SRRT: variants seen among roughly 807,000 people sequenced by gnomAD.
The protein encoded by SRRT is serrate RNA effector molecule homolog.
In SRRT, 32 loss-of-function variants were observed where a neutral mutation model predicts 103.2. The observed-to-expected ratio is 0.31, with a 90% CI of 0.23 to 0.42. The LOEUF (loss-of-function observed/expected upper bound fraction) is 0.42. Among genes scored for constraint, SRRT ranks in the 10% least tolerant of loss-of-function variants. The pLI, the probability that SRRT is intolerant of heterozygous loss-of-function variation, is 1.00. For missense variants in SRRT, 986 were observed against 1,207.5 expected (o/e 0.82, Z 2.72); for synonymous variants, 525 against 449.0 (o/e 1.17, Z -2.14).
At position 100,875,914 on chromosome 7, in the gene SRRT, G is replaced by A. The variant is rs1306033534; in HGVS notation, c.122+202G>A. 7.1e-6 allele frequency: 4 copies of A among 566,142 alleles called. No homozygotes were observed. The South Asian group carries it at 8.0e-5, about 11-fold the overall frequency. The allele number at this position is 566,142 out of a possible 1,614,324, so 35.1% of individuals were successfully genotyped here. A position where few individuals can be genotyped will look rare whatever the true frequency, so the allele number is the denominator to read the frequency against. On this transcript the variant is annotated intron_variant, in intron 2 of 19. Coordinates refer to ENST00000611405, the MANE Select transcript of SRRT (RefSeq NM_015908.6). ...TTTTTGAAATTCTCTGCAGATCAGA[G>A]CTATAGAGCTAAGAGTTTGAGTATG...
At position 100,885,773 on chromosome 7, in the gene SRRT, C is replaced by T. The variant is rs764378109; in HGVS notation, c.1379+11C>T. On this transcript the variant is annotated intron_variant, in intron 11 of 19. Coordinates refer to ENST00000611405, the MANE Select transcript of SRRT (RefSeq NM_015908.6). This position sits in a 1 kb window ranked among gnomAD's most constrained non-coding sequence, Gnocchi z 4.8. ...CCAGCCAGAGAGGAGGTGAGTAACTCGGTGCGTTGGAGGGAAAAGTGCAGG... is the reference window on the plus strand; with the variant it reads ...CCAGCCAGAGAGGAGGTGAGTAACTTGGTGCGTTGGAGGGAAAAGTGCAGG... The T allele has an allele frequency of 2.4e-5, 38 of 1,613,950 alleles. No individual in the cohort carries two copies. The highest frequency in any genetic ancestry group is 6.7e-5 in the East Asian group (3 of 44,894).
At position 100,875,247 on chromosome 7, in the gene SRRT, TCCTCGTCG is replaced by T. The variant is rs1241621417; in HGVS notation, c.-98_-91del. 1 of 405,986 alleles carries T rather than the reference TCCTCGTCG, an allele frequency of 2.5e-6. No individual in the cohort carries two copies. The highest frequency in any genetic ancestry group is 2.2e-5 in the African/African-American group (1 of 46,228). 25.1% of individuals were successfully genotyped at this position (405,986 alleles called of 1,614,324 possible). On this transcript the variant is annotated 5_prime_UTR_variant, in exon 1 of 20. Transcript: ENST00000611405. ...CGTCTCCGTCTCGCCCTCCTCGAAG[TCCTCGTCG>T]CGCGCCCGCGACCCAGGTCGCCCTG...
In SRRT at chr7:100,885,589, G is replaced by A; in HGVS notation, c.1318-112G>A. On this transcript the variant is annotated intron_variant, in intron 10 of 19. Transcript: ENST00000611405. This position sits in a 1 kb window ranked among gnomAD's most constrained non-coding sequence, Gnocchi z 4.8. ...TAGTGGTTTTTCCCTGCCCAAGGAT[G>A]GGAAGAGTGATAAGGCAGTTAGTCC... 8.0e-7 allele frequency: 1 copy of A among 1,251,644 alleles called. No homozygotes were observed. Among genetic ancestry groups the A allele is most frequent in the Non-Finnish European group, 1.1e-6 (1 of 879,448 alleles). The allele number at this position is 1,251,644 out of a possible 1,614,324, so 77.5% of individuals were successfully genotyped here. A position where few individuals can be genotyped will look rare whatever the true frequency, so the allele number is the denominator to read the frequency against.
intron 2 of SRRT, chr7:100,880,789 G>A: frequency 2.8e-6 from 1 of 362,394 alleles, no homozygotes; most frequent in Non-Finnish European, 5.7e-6. Flanking sequence ...CCTGTAGCAG[G>A]GGTGATTCAT....
chr7:100,876,169 C>G (rs1815682979), intron 2 of SRRT, among the ~76,000 whole-genome samples: 1 of 151,998 alleles, frequency 6.6e-6, no homozygotes, highest in Non-Finnish European at 1.5e-5. Context: ...ATTGTTATTT[C>G]GAGACAGAGT....
Position 100,886,950 on chromosome 7 carries a change from G to C in SRRT, c.1803G>C (p.Arg601=). Residue 601 remains arginine (R), a synonymous_variant, in exon 14 of 20, where the codon CGG becomes CGC. Coordinates refer to ENST00000611405, the MANE Select transcript of SRRT (RefSeq NM_015908.6). ...EGNPAEINVE[R]DEKLIKVLDK... is the part of the protein sequence containing the mutation. Reference sequence around the variant, plus strand: ...ACCCGGCAGAGATCAACGTGGAGCGGGATGAGAAGTTGATTAAGGTGCCAG... The same window carrying C: ...ACCCGGCAGAGATCAACGTGGAGCGCGATGAGAAGTTGATTAAGGTGCCAG... The C allele has an allele frequency of 6.2e-7, 1 of 1,611,430 alleles. No homozygotes were observed. Among genetic ancestry groups the C allele is most frequent in the Non-Finnish European group, 8.5e-7 (1 of 1,178,160 alleles).
At position 100,882,285 on chromosome 7, in the gene SRRT, C is replaced by T. The variant is rs368800073; in HGVS notation, c.587+44C>T. 9 of 1,591,714 alleles carry T rather than the reference C, an allele frequency of 5.7e-6. No individual in the cohort carries two copies. In the African/African-American group the frequency reaches 8.1e-5, roughly 14 times the overall value. ...CTGGACCTCTGCCCTGGCATGTCCC[C>T]CTGGCCCCGCTGGTGGAGCCACAGC... On this transcript the variant is annotated intron_variant, in intron 5 of 19. Coordinates refer to ENST00000611405, the MANE Select transcript of SRRT (RefSeq NM_015908.6). The surrounding 1 kb of genome is among the most constrained non-coding windows in gnomAD (Gnocchi z 4.2).
chr7:100,886,620 A>G (rs1331029785), intron 13 of SRRT, 175 bp from the exon 14 acceptor site: 1 of 974,954 alleles, frequency 1.0e-6, no homozygotes, highest in East Asian at 2.6e-5. Context: ...GCTAGTGATC[A>G]TTTGTGGCTG....
chr7:100,875,282 A>G lies in SRRT; in HGVS notation c.-65A>G. On this transcript the variant is annotated 5_prime_UTR_variant, in exon 1 of 20. Transcript: ENST00000611405. Reference sequence around the variant, plus strand: ...GCGCCCGCGACCCAGGTCGCCCTGAAATCTAGCCCGTCCGAGCGCGAGTCC... The same window carrying G: ...GCGCCCGCGACCCAGGTCGCCCTGAGATCTAGCCCGTCCGAGCGCGAGTCC... The G allele has an allele frequency of 1.2e-6, 1 of 858,702 alleles. No homozygotes were observed. The highest frequency in any genetic ancestry group is 1.5e-6 in the Non-Finnish European group (1 of 653,054). The allele number at this position is 858,702 out of a possible 1,614,324, so 53.2% of individuals were successfully genotyped here. A position where few individuals can be genotyped will look rare whatever the true frequency, so the allele number is the denominator to read the frequency against.
At position 100,882,374 on chromosome 7, in the gene SRRT, A is replaced by G. The variant is rs1482331746; in HGVS notation, c.587+133A>G. 5 of 994,574 alleles carry G rather than the reference A, an allele frequency of 5.0e-6. No individual in the cohort carries two copies. In the Admixed American group the frequency reaches 1.4e-4, roughly 28 times the overall value. 61.6% of individuals were successfully genotyped at this position (994,574 alleles called of 1,614,324 possible). On this transcript the variant is annotated intron_variant, in intron 5 of 19. Transcript: ENST00000611405. The surrounding 1 kb of genome is among the most constrained non-coding windows in gnomAD (Gnocchi z 4.2). ...GGGGGCGGGGGTCGGGAAGTATGAC[A>G]GCATTGGCTGATGGGGTCTCCCCCT...
At position 100,885,334 on chromosome 7, in the gene SRRT, C is replaced by T. The variant is rs1789992848; in HGVS notation, c.1281C>T (p.Asn427=). 4 of 1,614,098 alleles carry T rather than the reference C, an allele frequency of 2.5e-6. No homozygotes were observed. Among genetic ancestry groups the T allele is most frequent in the Non-Finnish European group, 3.4e-6 (4 of 1,179,970 alleles). The change falls in exon 10 of 20, where the codon AAC becomes AAT. Residue 427 remains asparagine (N), a synonymous_variant. Coordinates refer to ENST00000611405, the MANE Select transcript of SRRT (RefSeq NM_015908.6). The surrounding 1 kb of genome is among the most constrained non-coding windows in gnomAD (Gnocchi z 4.8). The part of the protein sequence containing the change: ...LHKTCSLFMR[N]IAPNISRAEI... Reference sequence around the variant, plus strand: ...AGACCTGCTCCCTCTTCATGCGCAACATCGCGCCCAACATCTCCCGGGCCG... The same window carrying T: ...AGACCTGCTCCCTCTTCATGCGCAATATCGCGCCCAACATCTCCCGGGCCG...
In SRRT at chr7:100,881,484, C is replaced by T. The variant is rs1789552666; in HGVS notation, c.251+71C>T. 2 of 1,583,252 alleles carry T rather than the reference C, an allele frequency of 1.3e-6. 1 individual carries two copies. Among genetic ancestry groups the T allele is most frequent in the South Asian group, 2.3e-5 (2 of 88,694 alleles). ...CCTGGGCCTCCCCTTTCTCCCCTCA[C>T]CTGTGCCTAAATCTTTGTCATTTCC... On this transcript the variant is annotated intron_variant, in intron 3 of 19. Coordinates refer to ENST00000611405, the MANE Select transcript of SRRT (RefSeq NM_015908.6).
At position 100,882,716 on chromosome 7, in the gene SRRT, CCTGCTCCTCCTCCTCCTCATCCTCTTT is replaced by C. The variant is rs1398909945; in HGVS notation, c.587+490_587+516del. On this transcript the variant is annotated intron_variant, in intron 5 of 19. Coordinates refer to ENST00000611405, the MANE Select transcript of SRRT (RefSeq NM_015908.6). The surrounding 1 kb of genome is among the most constrained non-coding windows in gnomAD (Gnocchi z 4.2). ...TTAATCAACCATCTTTTCCCCCCTTCCTGCTCCTCCTCCTCCTCATCCTCTTTCTGCTCCTCCTCCTTGAAAAGAGCC... is the reference window on the plus strand; with the variant it reads ...TTAATCAACCATCTTTTCCCCCCTTCCTGCTCCTCCTCCTTGAAAAGAGCC... The C allele has an allele frequency of 6.5e-6, 1 of 154,152 alleles. No individual in the cohort carries two copies. Among genetic ancestry groups the C allele is most frequent in the Non-Finnish European group, 1.4e-5 (1 of 69,168 alleles). 9.5% of individuals were successfully genotyped at this position (154,152 alleles called of 1,614,324 possible).
chr7:100,880,997 T>C (rs1816253081), intron 2 of SRRT, among the ~76,000 whole-genome samples: 1 of 152,166 alleles, frequency 6.6e-6, no homozygotes, highest in African/African-American at 2.4e-5. Context: ...AGGAGCGAAG[T>C]TTTATAATTG....
At chr7:100,876,012 C>T (rs1402423816) in intron 2 of SRRT, 2 of 334,616 alleles carry the variant, frequency 6.0e-6, no homozygotes, top group East Asian at 7.0e-5. Context: ...GAGATGGGGT[C>T]TTGTTCTGCT....
chr7:100,888,174 G>A, intron 18 of SRRT, 31 bp downstream of exon 18: 1 of 1,602,770 alleles, frequency 6.2e-7, no homozygotes, highest in Non-Finnish European at 8.5e-7. Flanking sequence ...AAGGGGCTTG[G>A]TGAGTGTGTG....
chr7:100,887,283 C>T lies in SRRT; in HGVS notation c.1976-37C>T, dbSNP rs756181092. 6.2e-7 allele frequency: 1 copy of T among 1,610,294 alleles called. No individual in the cohort carries two copies. The highest frequency in any genetic ancestry group is 1.7e-5 in the Admixed American group (1 of 59,830). ...TTGCCACCATCCTTCCTTCTGGCTC[C>T]CTTGCCAACCTTCCTTCCTCTGTTC... On this transcript the variant is annotated intron_variant, in intron 15 of 19. Transcript: ENST00000611405. This position sits in a 1 kb window ranked among gnomAD's most constrained non-coding sequence, Gnocchi z 4.1.
chr7:100,875,574 C>T lies in SRRT; in HGVS notation c.-17C>T, dbSNP rs772425275. 33 of 1,613,516 alleles carry T rather than the reference C, an allele frequency of 2.0e-5. No homozygotes were observed. Among genetic ancestry groups the T allele is most frequent in the South Asian group, 1.3e-4 (12 of 91,076 alleles). ...CTACCGCCTCTCCCCGGTCCCCAGG[C>T]CCCCTCAGACCGTGCCATGGGTGAC... On this transcript the variant is annotated splice_region_variant and 5_prime_UTR_variant, in exon 2 of 20. Transcript: ENST00000611405.
In SRRT at chr7:100,888,032, G is replaced by C. The variant is rs774909838; in HGVS notation, c.2327-10G>C. 2.6e-6 allele frequency: 4 copies of C among 1,529,148 alleles called. No individual in the cohort carries two copies. The highest frequency in any genetic ancestry group is 3.5e-6 in the Non-Finnish European group (4 of 1,141,934). The allele number at this position is 1,529,148 out of a possible 1,614,324, so 94.7% of individuals were successfully genotyped here. A position where few individuals can be genotyped will look rare whatever the true frequency, so the allele number is the denominator to read the frequency against. ...CGCCCCCGCAGTAATTCATGTCCCT[G>C]TCCGTGTTGTACTCCCCCCAGGTTT... On this transcript the variant is annotated splice_polypyrimidine_tract_variant and intron_variant, in intron 17 of 19. Coordinates refer to ENST00000611405, the MANE Select transcript of SRRT (RefSeq NM_015908.6).
Sources: gnomAD v4.1 joint callset for allele counts (sites outside exome capture counted in the v4.1 genomes callset) on GRCh38, gnomAD v4.1.1 for gene constraint, Gnocchi (gnomAD v3.1) non-coding constraint, MANE v1.5 for transcripts, NCBI Gene and HGNC (gene_info 2026-07-23, HGNC 2026-07-21) for gene names.